VAV3: variants seen among roughly 807,000 people sequenced by gnomAD.
VAV3 encodes the protein vav guanine nucleotide exchange factor 3, also known as guanine nucleotide exchange factor VAV3.
Under a neutral mutation model 131.2 loss-of-function variants are expected in VAV3, and 94 were observed. The ratio of observed to expected loss-of-function variants is 0.72; its 90% CI spans 0.61 to 0.85. The LOEUF is 0.85. VAV3 is among the 40% of genes least tolerant of loss of function. VAV3 has a pLI of 0.00. For missense variants in VAV3, 939 were observed against 1,002.7 expected (o/e 0.94, Z 0.86); for synonymous variants, 349 against 342.0 (o/e 1.02, Z -0.22).
At chr1:107,608,406 C>T (rs1652461039) in intron 22 of VAV3, among the ~76,000 whole-genome samples, 2 of 152,184 alleles carry the variant, frequency 1.3e-5, no homozygotes, top group African/African-American at 4.8e-5. Context: ...AGATTTTTAA[C>T]AGTTCCTGAT....
chr1:107,646,370 G>A (rs1423693986), intron 19 of VAV3, among the ~76,000 whole-genome samples: 1 of 151,942 alleles, frequency 6.6e-6, no homozygotes, highest in Admixed American at 6.6e-5. Context: ...TACAACAGAT[G>A]TGTTAGCTGA....
intron 9 of VAV3, among the ~76,000 whole-genome samples, chr1:107,761,264 G>A (rs1156373846): frequency 6.6e-6 from 1 of 151,816 alleles, no homozygotes; most frequent in Non-Finnish European, 1.5e-5. Context: ...ATGGTGGCAG[G>A]TGCCTGTAGT....
chr1:107,645,912 T>A (rs1358391476), intron 19 of VAV3, among the ~76,000 whole-genome samples: 3 of 152,064 alleles, frequency 2.0e-5, no homozygotes, highest in Non-Finnish European at 2.9e-5. Context: ...CACATCCCCA[T>A]GACAACTCAG....
intron 25 of VAV3, among the ~76,000 whole-genome samples, chr1:107,575,214 T>C (rs992347985): frequency 6.6e-6 from 1 of 152,210 alleles, no homozygotes; most frequent in Non-Finnish European, 1.5e-5. Flanking sequence ...ATATGTTCAG[T>C]GATTCTGAGA....
rs1157946882 is a variant in VAV3 at position 107,772,871 on chromosome 1, AT to A, written c.447-29del. 6 of 1,580,948 alleles carry A rather than the reference AT, an allele frequency of 3.8e-6. No individual in the cohort carries two copies. In the African/African-American group the frequency reaches 8.1e-5, roughly 21 times the overall value. ...ACAACAAAGGATATCATATAAGGTC[AT>A]TTTCTATTATGCAGTAAATGCAATA... On this transcript the variant is annotated intron_variant, in intron 4 of 26. Coordinates refer to ENST00000370056, the MANE Select transcript of VAV3 (RefSeq NM_006113.5).
chr1:107,810,419 C>A lies in VAV3; in HGVS notation c.322-30927G>T, dbSNP rs762311633. 2.6e-5 allele frequency among the ~76,000 whole-genome samples: 4 copies of A among 152,226 alleles called. 1 individual carries two copies. Among genetic ancestry groups the A allele is most frequent in the Middle Eastern group, 6.8e-3 (2 of 294 alleles). On this transcript the variant is annotated intron_variant, in intron 2 of 26. Transcript: ENST00000370056. ...TGAAGTTCTTGCCCAGGGAACTGAG[C>A]AAGTCCCTTTCCAGTCATACTTTCA...
chr1:107,696,470 C>T (rs991048680), intron 17 of VAV3, among the ~76,000 whole-genome samples: 1 of 152,286 alleles, frequency 6.6e-6, no homozygotes, highest in Middle Eastern at 3.4e-3. Context: ...TTGCCTTTCA[C>T]GCCAACTATG....
At chr1:107,837,062 G>A (rs2125748) in intron 2 of VAV3, among the ~76,000 whole-genome samples, 31,020 of 151,738 alleles carry the variant, frequency 0.2, 3,532 homozygotes, top group Middle Eastern at 0.3. Flanking sequence ...TACAAAGCCA[G>A]CATCATCCTA....
intron 15 of VAV3, among the ~76,000 whole-genome samples, chr1:107,746,051 G>T (rs1663324739): frequency 6.6e-6 from 1 of 152,160 alleles, no homozygotes; most frequent in African/African-American, 2.4e-5. Flanking sequence ...TCAAAAAGGA[G>T]TACTACAGAT....
chr1:107,753,895 C>T (rs1327017965), intron 12 of VAV3, among the ~76,000 whole-genome samples: 2 of 151,906 alleles, frequency 1.3e-5, no homozygotes, highest in Non-Finnish European at 2.9e-5. Flanking sequence ...TTTTTAAAGG[C>T]TACACAGCTG....
intron 1 of VAV3, among the ~76,000 whole-genome samples, chr1:107,923,448 C>T (rs1673013116): frequency 6.6e-6 from 1 of 151,830 alleles, no homozygotes; most frequent in African/African-American, 2.4e-5. Context: ...AAATTAGTGA[C>T]CTTATAAAAT....
rs926328299 is a variant in VAV3, at chr1:107,574,822, C to T, written c.2351-624G>A. On this transcript the variant is annotated intron_variant, in intron 25 of 26. Coordinates refer to ENST00000370056, the MANE Select transcript of VAV3 (RefSeq NM_006113.5). Reference sequence around the variant, plus strand: ...CTAAGTGAAGAGGTGTGAATCAGGTCTCAGAGAAGGAACACACAAATACCA... The same window carrying T: ...CTAAGTGAAGAGGTGTGAATCAGGTTTCAGAGAAGGAACACACAAATACCA... 3.3e-5 allele frequency among the ~76,000 whole-genome samples: 5 copies of T among 152,274 alleles called. 2 individuals carry two copies. In the South Asian group the frequency reaches 1.0e-3, roughly 32 times the overall value.
intron 15 of VAV3, among the ~76,000 whole-genome samples, chr1:107,739,791 C>T (rs954414576): frequency 6.6e-6 from 1 of 152,172 alleles, no homozygotes; most frequent in Non-Finnish European, 1.5e-5. Context: ...AAGCAGGTGA[C>T]AAAATGTCAT....
At position 107,750,800 on chromosome 1, in the gene VAV3, T is replaced by A. The variant is rs190915147; in HGVS notation, c.1259+317A>T. ...TATTTTTGGTTATTTAAAAATATAT[T>A]CCAAAAATTCAATTATGTTTTTATG... is the stretch of plus-strand genomic sequence containing the variant. On this transcript the variant is annotated intron_variant, in intron 13 of 26. Transcript: ENST00000370056. Among the ~76,000 whole-genome samples, 47 of 152,370 alleles carry A rather than the reference T, an allele frequency of 3.1e-4. No homozygotes were observed. In the East Asian group the frequency reaches 8.7e-3, roughly 28 times the overall value.
intron 15 of VAV3, among the ~76,000 whole-genome samples, chr1:107,726,326 C>T (rs769131582): frequency 2.6e-5 from 4 of 152,162 alleles, no homozygotes; most frequent in Non-Finnish European, 5.9e-5. Flanking sequence ...AGGTTTGATC[C>T]TCACACAAGC....
chr1:107,698,153 T>C (rs1659858241), intron 17 of VAV3, among the ~76,000 whole-genome samples: 1 of 152,184 alleles, frequency 6.6e-6, no homozygotes. Context: ...AGTAAATGAG[T>C]TAACAATGGT....
At chr1:107,955,317 G>GTT (rs58239664) in intron 1 of VAV3, among the ~76,000 whole-genome samples, 8,695 of 149,410 alleles carry the variant, frequency 0.058, 342 homozygotes, top group African/African-American at 0.11. Context: ...TGCTGGCTAT[G>GTT]TTTTTTTTTT....
chr1:107,634,947 A>T (rs10881474), intron 20 of VAV3, among the ~76,000 whole-genome samples: 4 of 150,620 alleles, frequency 2.7e-5, no homozygotes, highest in Non-Finnish European at 3.0e-5. Context: ...TTAGAATGGC[A>T]ATCATTAAAA....
rs1557828107 is a variant in VAV3 at position 107,760,880 on chromosome 1, CT to C, written c.922-2del. 1 of 1,611,128 alleles carries C rather than the reference CT, an allele frequency of 6.2e-7. No individual in the cohort carries two copies. Among genetic ancestry groups the C allele is most frequent in the Non-Finnish European group, 8.5e-7 (1 of 1,177,884 alleles). On this transcript the variant is annotated splice_acceptor_variant, in intron 9 of 26. Coordinates refer to ENST00000370056, the MANE Select transcript of VAV3 (RefSeq NM_006113.5). LOFTEE classifies it high-confidence loss of function. Reference sequence around the variant, plus strand: ...CATTATTTGCTCTTTTGGAACATTCCTAATGAAATGTTTTAAAAACACTTTG... The same window carrying C: ...CATTATTTGCTCTTTTGGAACATTCCAATGAAATGTTTTAAAAACACTTTG...
Sources: gnomAD v4.1 joint callset for allele counts (sites outside exome capture counted in the v4.1 genomes callset) on GRCh38, gnomAD v4.1.1 for gene constraint, MANE v1.5 for transcripts, NCBI Gene and HGNC (gene_info 2026-07-23, HGNC 2026-07-21) for gene names.